Variants in EXOSC2 observed in about 807,000 individuals in gnomAD.
EXOSC2 encodes exosome component 2, also known as exosome complex component RRP4.
Under a neutral mutation model 37.6 loss-of-function variants are expected in EXOSC2, and 29 were observed. The observed-to-expected ratio is 0.77, with a 90% CI of 0.57 to 1.05. The LOEUF (loss-of-function observed/expected upper bound fraction) is 1.05, where lower values mean the gene tolerates loss of function less well. Among genes scored for constraint, EXOSC2 ranks in the 50% least tolerant of loss-of-function variants. The pLI is 0.00. For missense variants in EXOSC2, 346 were observed against 365.6 expected (o/e 0.95, Z 0.44); for synonymous variants, 119 against 131.1 (o/e 0.91, Z 0.63).
At chr9:130,701,402 C>G (rs1831213030) in intron 6 of EXOSC2, 1 of 160,944 alleles carries the variant, frequency 6.2e-6, no homozygotes, top group South Asian at 2.0e-4. Context: ...CACTGCTTTT[C>G]TTGTACGAGG....
intron 4 of EXOSC2, 53 bp from the exon 5 acceptor site, chr9:130,699,276 G>A: frequency 6.4e-7 from 1 of 1,559,486 alleles, no homozygotes. Context: ...AGAAGTGATG[G>A]AGACCTTTCT....
rs1248027309 is a variant in EXOSC2, at chr9:130,703,054, C to T, written c.674C>T (p.Pro225Leu). The change falls in exon 8 of 9, where the codon CCT becomes CTT. Residue 225 changes from proline to leucine, a missense_variant and splice_region_variant. Physicochemically the swap from Pro to Leu is moderately conservative, Grantham distance 98. Coordinates refer to ENST00000372358, the MANE Select transcript of EXOSC2 (RefSeq NM_014285.7). ...TCCCCTCTCTGTGTCTCCTTATAGC[C>T]TGTCTCTCTTGCTGATCGAGAGGTG... is the stretch of plus-strand genomic sequence containing the variant. ...EAGGFIANLE[P>L]VSLADREVIS... 6.2e-7 allele frequency: 1 copy of T among 1,612,982 alleles called. No homozygotes were observed. Among genetic ancestry groups the T allele is most frequent in the Non-Finnish European group, 8.5e-7 (1 of 1,179,428 alleles).
intron 3 of EXOSC2, chr9:130,697,833 G>T: frequency 1.8e-6 from 1 of 569,930 alleles, no homozygotes; most frequent in East Asian, 3.1e-5. Context: ...TCGCTCTGTC[G>T]CCCAGGCTGG....
Position 130,699,385 on chromosome 9 carries a change from C to T in EXOSC2, c.417C>T (p.Asp139=). 1 of 1,614,092 alleles carries T rather than the reference C, an allele frequency of 6.2e-7. No homozygotes were observed. Among genetic ancestry groups the T allele is most frequent in the Non-Finnish European group, 8.5e-7 (1 of 1,180,008 alleles). ...TGAGAGGTTTCTTACAGGAAGGGGACCTTATCAGTGTATCCTGCGCTTTGC... is the reference window on the plus strand; with the variant it reads ...TGAGAGGTTTCTTACAGGAAGGGGATCTTATCAGTGTATCCTGCGCTTTGC... ...LAMRGFLQEG[D]LISAEVQAVF... The change falls in exon 5 of 9, where the codon GAC becomes GAT. Residue 139 remains aspartate, a synonymous_variant. Coordinates refer to ENST00000372358, the MANE Select transcript of EXOSC2 (RefSeq NM_014285.7).
At position 130,700,951 on chromosome 9, in the gene EXOSC2, G is replaced by T. The variant is rs200266086; in HGVS notation, c.495+16G>T. On this transcript the variant is annotated intron_variant, in intron 6 of 8. Transcript: ENST00000372358. ...ATATGGAAAAGTAAGTCGGGCTCTT[G>T]ATGTTCCTGTTTGCTGACTGAGACT... The T allele has an allele frequency of 8.7e-6, 14 of 1,613,662 alleles. No homozygotes were observed. Among genetic ancestry groups the T allele is most frequent in the Middle Eastern group, 1.6e-4 (1 of 6,062 alleles).
chr9:130,695,731 A>G (rs764807112), intron 2 of EXOSC2, 138 bp downstream of exon 2: 5 of 691,752 alleles, frequency 7.2e-6, no homozygotes, highest in Non-Finnish European at 1.3e-5. Context: ...CCATGACTGT[A>G]GGTGGGGTGG....
Position 130,695,474 on chromosome 9 carries a change from A to T in EXOSC2, c.123-18A>T. On this transcript the variant is annotated intron_variant, in intron 1 of 8. Coordinates refer to ENST00000372358, the MANE Select transcript of EXOSC2 (RefSeq NM_014285.7). Reference sequence around the variant, plus strand: ...AGTTACCCTCGTATCCTTTCTTTGTATCTTCGCCTTGCATCAGGGGCCATG... The same window carrying T: ...AGTTACCCTCGTATCCTTTCTTTGTTTCTTCGCCTTGCATCAGGGGCCATG... 6.2e-7 allele frequency: 1 copy of T among 1,603,740 alleles called. No individual in the cohort carries two copies. Among genetic ancestry groups the T allele is most frequent in the Non-Finnish European group, 8.5e-7 (1 of 1,170,506 alleles).
At chr9:130,697,441 A>G (rs1831120189) in intron 2 of EXOSC2, 141 bp from the exon 3 acceptor site, 1 of 758,090 alleles carries the variant, frequency 1.3e-6, no homozygotes, top group African/African-American at 1.7e-5. Flanking sequence ...AAGTAAGTCC[A>G]GACAATATAG....
chr9:130,693,843 C>T lies in EXOSC2; in HGVS notation c.52C>T (p.Leu18=). 2.5e-6 allele frequency: 4 copies of T among 1,611,942 alleles called. No homozygotes were observed. The highest frequency in any genetic ancestry group is 3.4e-6 in the Non-Finnish European group (4 of 1,178,626). The change falls in exon 1 of 9, where the codon CTG becomes TTG. Residue 18 remains leucine (L), a synonymous_variant. Transcript: ENST00000372358. ...PVARKPLSER[L]GRDTKKHLVV... is the part of the protein sequence containing the mutation. ...GGCTCGCAAGCCTCTTAGCGAGAGA[C>T]TGGGCCGCGACACTAAGAAACATCT... is the stretch of plus-strand genomic sequence containing the variant.
chr9:130,699,513 G>C, intron 5 of EXOSC2, 119 bp downstream of exon 5: 2 of 1,043,154 alleles, frequency 1.9e-6, no homozygotes, highest in East Asian at 2.4e-5. Flanking sequence ...CCGAGTCTTA[G>C]ACCAAGTGTC....
At chr9:130,695,674 C>A in intron 2 of EXOSC2, 81 bp downstream of exon 2, 1 of 1,181,002 alleles carries the variant, frequency 8.5e-7, no homozygotes, top group Non-Finnish European at 1.2e-6. Context: ...CCTTATCCCC[C>A]ACCCCACCCC....
In EXOSC2 at chr9:130,699,381, G is replaced by A; in HGVS notation, c.413G>A (p.Gly138Glu). 1 of 1,614,166 alleles carries A rather than the reference G, an allele frequency of 6.2e-7. No individual in the cohort carries two copies. The highest frequency in any genetic ancestry group is 2.2e-5 in the East Asian group (1 of 44,880). Reference protein sequence around the residue: ...ELAMRGFLQEGDLISAEVQAV... With the variant: ...ELAMRGFLQEEDLISAEVQAV... Reference sequence around the variant, plus strand: ...GCAATGAGAGGTTTCTTACAGGAAGGGGACCTTATCAGTGTATCCTGCGCT... The same window carrying A: ...GCAATGAGAGGTTTCTTACAGGAAGAGGACCTTATCAGTGTATCCTGCGCT... The change falls in exon 5 of 9, where the codon GGG becomes GAG. Residue 138 changes from glycine to glutamate, a missense_variant. Physicochemically the swap from Gly to Glu is moderately conservative, Grantham distance 98 (BLOSUM62 -2). Transcript: ENST00000372358.
Position 130,702,193 on chromosome 9 carries a change from CT to C in EXOSC2, c.558del (p.His187MetfsTer9). The C allele has an allele frequency of 6.2e-7, 1 of 1,614,186 alleles. No individual in the cohort carries two copies. The highest frequency in any genetic ancestry group is 8.5e-7 in the Non-Finnish European group (1 of 1,180,042). On this transcript the variant is annotated frameshift_variant, in exon 7 of 9. Coordinates refer to ENST00000372358, the MANE Select transcript of EXOSC2 (RefSeq NM_014285.7). LOFTEE classifies it high-confidence loss of function. ...CCCTGGTGAAACGGCAGAAGACCCA[CT>C]TTCATGATTTGCCATGTGGTGCCTC... The part of the protein sequence containing the change: ...PSLVKRQKTH[F>X]HDLPCGASVI...
intron 2 of EXOSC2, among the ~76,000 whole-genome samples, chr9:130,696,667 G>A (rs1588196841): frequency 6.6e-6 from 1 of 152,166 alleles, no homozygotes; most frequent in Non-Finnish European, 1.5e-5. Context: ...ACTGTGCATA[G>A]GACCCCGTCA....
At chr9:130,701,263 C>G (rs1043614679) in intron 6 of EXOSC2, 18 of 264,116 alleles carry the variant, frequency 6.8e-5, no homozygotes, top group African/African-American at 4.1e-4. Flanking sequence ...AGCACTGGGG[C>G]TGAGGCTGTC....
rs923957400 is a variant in EXOSC2 at position 130,699,551 on chromosome 9, C to T, written c.426+157C>T. 3.9e-5 allele frequency: 29 copies of T among 740,960 alleles called. No individual in the cohort carries two copies. In the African/African-American group the frequency reaches 4.5e-4, roughly 12 times the overall value. The allele number at this position is 740,960 out of a possible 1,614,324, so 45.9% of individuals were successfully genotyped here. A position where few individuals can be genotyped will look rare whatever the true frequency, so the allele number is the denominator to read the frequency against. ...GCTCTGCTGCATCCTTTCTCAGTCT[C>T]CTTAATTCAGGCTGACTCCCCAGCT... is the stretch of plus-strand genomic sequence containing the variant. On this transcript the variant is annotated intron_variant, in intron 5 of 8. Coordinates refer to ENST00000372358, the MANE Select transcript of EXOSC2 (RefSeq NM_014285.7).
chr9:130,698,224 G>A lies in EXOSC2; in HGVS notation c.333G>A (p.Ser111=), dbSNP rs201994835. The change falls in exon 4 of 9, where the codon TCG becomes TCA. Residue 111 remains serine (S), a synonymous_variant. Transcript: ENST00000372358. This position sits in a 1 kb window ranked among gnomAD's most constrained non-coding sequence, Gnocchi z 4.1. ...NSRLDSVLLL[S]SMNLPGGELR... ...GGCTGGATTCGGTCTTGCTGCTCTCGTCCATGAACCTTCCTGGAGGAGAGC... is the reference window on the plus strand; with the variant it reads ...GGCTGGATTCGGTCTTGCTGCTCTCATCCATGAACCTTCCTGGAGGAGAGC... The A allele has an allele frequency of 6.8e-6, 11 of 1,613,996 alleles. No homozygotes were observed. Among genetic ancestry groups the A allele is most frequent in the African/African-American group, 2.7e-5 (2 of 74,934 alleles).
Position 130,704,613 on chromosome 9 carries a change from A to G in EXOSC2, c.*839A>G, listed in dbSNP as rs910450402. The G allele has an allele frequency of 6.6e-6, 1 of 152,040 alleles. No homozygotes were observed. The highest frequency in any genetic ancestry group is 1.5e-5 in the Non-Finnish European group (1 of 68,032). 9.4% of individuals were successfully genotyped at this position (152,040 alleles called of 1,614,324 possible). On this transcript the variant is annotated 3_prime_UTR_variant, in exon 9 of 9. Transcript: ENST00000372358. ...GTTCCTTGTAGCCATAGATGTGATT[A>G]TGTCCACACCGGGCTGCCTTAATCT...
chr9:130,694,363 A>T lies in EXOSC2; in HGVS notation c.122+450A>T, dbSNP rs563344790. On this transcript the variant is annotated intron_variant, in intron 1 of 8. Transcript: ENST00000372358. The surrounding 1 kb of genome is among the most constrained non-coding windows in gnomAD (Gnocchi z 4.0). ...CATTGTGCTGCATGCACCCATTTATACACATTTTGAATCTAAGGGGTGTAG... is the reference window on the plus strand; with the variant it reads ...CATTGTGCTGCATGCACCCATTTATTCACATTTTGAATCTAAGGGGTGTAG... Among the ~76,000 whole-genome samples, 5 of 152,194 alleles carry T rather than the reference A, an allele frequency of 3.3e-5. No homozygotes were observed. The highest frequency in any genetic ancestry group is 1.2e-4 in the African/African-American group (5 of 41,506).
Sources: allele counts gnomAD v4.1 joint callset (sites outside exome capture counted in the v4.1 genomes callset), GRCh38; gene constraint gnomAD v4.1.1; non-coding constraint Gnocchi (gnomAD v3.1); transcripts MANE v1.5; gene names NCBI Gene and HGNC (gene_info 2026-07-23, HGNC 2026-07-21).